Variants in GRIA4 observed in about 807,000 individuals in gnomAD.
The protein encoded by GRIA4 is glutamate ionotropic receptor AMPA type subunit 4.
GRIA4 carries 34 observed loss-of-function variants against 104.0 expected under a neutral mutation model. That is an observed-to-expected ratio of 0.33 (90% CI 0.25 to 0.44). GRIA4 has a LOEUF of 0.44. Among genes scored for constraint, GRIA4 ranks in the 20% least tolerant of loss-of-function variants. The pLI is 1.00. For synonymous variants in GRIA4, 386 were observed against 381.9 expected (o/e 1.01, Z -0.13); for missense variants, 750 against 1,096.5 (o/e 0.68, Z 4.46).
chr11:105,928,491 T>C (rs1275375076), intron 13 of GRIA4, among the ~76,000 whole-genome samples: 1 of 152,008 alleles, frequency 6.6e-6, no homozygotes, highest in Non-Finnish European at 1.5e-5. Flanking sequence ...ATTACTACTC[T>C]AATGTATTTC....
At chr11:105,709,119 T>G in intron 3 of GRIA4, among the ~76,000 whole-genome samples, 1 of 152,092 alleles carries the variant, frequency 6.6e-6, no homozygotes, top group East Asian at 1.9e-4. Context: ...AAGGAAATGC[T>G]TATGAAATGA....
At chr11:105,745,142 CAT>C (rs1491244539) in intron 3 of GRIA4, among the ~76,000 whole-genome samples, 1 of 152,076 alleles carries the variant, frequency 6.6e-6, no homozygotes, top group Non-Finnish European at 1.5e-5. Context: ...TAATAACTAA[CAT>C]TTTTTCCAAA....
At chr11:105,777,077 A>ATTTAT (rs1941482476) in intron 4 of GRIA4, among the ~76,000 whole-genome samples, 6 of 152,130 alleles carry the variant, frequency 3.9e-5, no homozygotes, top group Non-Finnish European at 7.4e-5. Flanking sequence ...ACACTCATGC[A>ATTTAT]CACACACGGA....
chr11:105,716,952 GA>G (rs1349925015), intron 3 of GRIA4, among the ~76,000 whole-genome samples: 1 of 151,912 alleles, frequency 6.6e-6, no homozygotes, highest in Non-Finnish European at 1.5e-5. Flanking sequence ...CATAAAAAAA[GA>G]AAAAAGGAGA....
At chr11:105,616,294 T>G (rs566782509) in intron 3 of GRIA4, among the ~76,000 whole-genome samples, 171 of 151,842 alleles carry the variant, frequency 1.1e-3, no homozygotes, top group Non-Finnish European at 2.2e-3. Context: ...AGAATCAATA[T>G]TATGCCCTAG....
intron 14 of GRIA4, among the ~76,000 whole-genome samples, chr11:105,957,909 G>C (rs1439644847): frequency 6.6e-6 from 1 of 152,108 alleles, no homozygotes; most frequent in Non-Finnish European, 1.5e-5. Flanking sequence ...TTGGCTCTCT[G>C]TTTGTCTGTT....
chr11:105,861,173 G>T (rs1193850069), intron 4 of GRIA4, among the ~76,000 whole-genome samples: 1 of 151,844 alleles, frequency 6.6e-6, no homozygotes, highest in Non-Finnish European at 1.5e-5. Flanking sequence ...TTCTCTCATG[G>T]CAGGCTGTCT....
chr11:105,753,035 G>C lies in GRIA4; in HGVS notation c.302G>C (p.Arg101Thr), dbSNP rs772806677. 1 of 1,613,300 alleles carries C rather than the reference G, an allele frequency of 6.2e-7. No homozygotes were observed. Among genetic ancestry groups the C allele is most frequent in the Non-Finnish European group, 8.5e-7 (1 of 1,179,396 alleles). ...GCCATTTTTGGACTCTATGATAAGA[G>C]GTCGGTACATACCTTGACCTCATTC... Reference protein sequence around the residue: ...VFAIFGLYDKRSVHTLTSFCS... With the variant: ...VFAIFGLYDKTSVHTLTSFCS... Residue 101 changes from arginine (R) to threonine (T), a missense_variant, in exon 4 of 17, where the codon AGG becomes ACG. Arg to Thr is a moderately conservative substitution (Grantham distance 71). Around this residue, in one of 3 missense-constraint regions of GRIA4, gnomAD observed 410 missense variants for 502.7 expected, o/e 0.82. Transcript: ENST00000282499.
At chr11:105,752,874 C>G in intron 3 of GRIA4, 107 bp from the exon 4 acceptor site, 1 of 993,242 alleles carries the variant, frequency 1.0e-6, no homozygotes, top group African/African-American at 1.6e-5. Context: ...CCTGACAGAT[C>G]CAATGATTCA....
chr11:105,880,879 A>C (rs1946027164), intron 5 of GRIA4, among the ~76,000 whole-genome samples: 1 of 152,184 alleles, frequency 6.6e-6, no homozygotes, highest in Admixed American at 6.5e-5. Flanking sequence ...ACAGAGATGA[A>C]AAGCTTGGGA....
At chr11:105,891,675 A>C (rs1265221418) in intron 6 of GRIA4, among the ~76,000 whole-genome samples, 1 of 152,064 alleles carries the variant, frequency 6.6e-6, no homozygotes, top group Admixed American at 6.6e-5. Flanking sequence ...CTAAATATCC[A>C]CTTTGATAGT....
chr11:105,892,054 T>A (rs1591405958), intron 6 of GRIA4, among the ~76,000 whole-genome samples: 1 of 152,170 alleles, frequency 6.6e-6, no homozygotes, highest in East Asian at 1.9e-4. Context: ...CAGATCTGAA[T>A]TCTCAAAGAA....
chr11:105,958,154 T>C (rs1948639180), intron 14 of GRIA4, among the ~76,000 whole-genome samples: 1 of 152,210 alleles, frequency 6.6e-6, no homozygotes, highest in African/African-American at 2.4e-5. Context: ...CTATGTTGAA[T>C]AGGAGTGGTG....
In GRIA4 at chr11:105,894,945, G is replaced by T. The variant is rs992231479; in HGVS notation, c.727-3324G>T. ...CTCCCGAGTAGCTGGGACTACAGGC[G>T]CCCGCCACCGCGCCCGGCTAATTTT... On this transcript the variant is annotated intron_variant, in intron 6 of 16. Coordinates refer to ENST00000282499, the MANE Select transcript of GRIA4 (RefSeq NM_000829.4). Among the ~76,000 whole-genome samples the T allele has an allele frequency of 2.9e-5, 4 of 138,094 alleles. 2 individuals are homozygous for T. Among genetic ancestry groups the T allele is most frequent in the Non-Finnish European group, 6.3e-5 (4 of 63,738 alleles). The allele number at this position is 138,094 out of a possible 152,430, so 90.6% of individuals were successfully genotyped here. A position where few individuals can be genotyped will look rare whatever the true frequency, so the allele number is the denominator to read the frequency against.
At chr11:105,927,885 G>A (rs1459737902) in intron 13 of GRIA4, among the ~76,000 whole-genome samples, 2 of 151,894 alleles carry the variant, frequency 1.3e-5, no homozygotes, top group Non-Finnish European at 2.9e-5. Context: ...TATGTCAATT[G>A]TTTAAACACT....
chr11:105,928,037 ATCT>A (rs1466897501), intron 13 of GRIA4, among the ~76,000 whole-genome samples: 1 of 152,004 alleles, frequency 6.6e-6, no homozygotes, highest in Admixed American at 6.6e-5. Context: ...TTTATTTATA[ATCT>A]TCTCACTCAA....
At position 105,960,267 on chromosome 11, in the gene GRIA4, C is replaced by T. The variant is rs150555545; in HGVS notation, c.2295-11647C>T. Among the ~76,000 whole-genome samples, 366 of 152,376 alleles carry T rather than the reference C, an allele frequency of 2.4e-3. 4 individuals are homozygous for T. The Middle Eastern group carries it at 0.051, about 21-fold the overall frequency. The stretch of plus-strand genomic sequence containing the variant: ...CTGCAGCCACCCCTGCCTCTAGGAG[C>T]TCAGGCCCAGGGAGATGCTAATTCT... On this transcript the variant is annotated intron_variant, in intron 14 of 16. Coordinates refer to ENST00000282499, the MANE Select transcript of GRIA4 (RefSeq NM_000829.4).
At chr11:105,825,573 T>C (rs1358209781) in intron 4 of GRIA4, among the ~76,000 whole-genome samples, 2 of 152,050 alleles carry the variant, frequency 1.3e-5, no homozygotes, top group Non-Finnish European at 2.9e-5. Context: ...ATGCCTCAGA[T>C]ATTCAGTTTC....
intron 4 of GRIA4, among the ~76,000 whole-genome samples, chr11:105,812,963 T>TA (rs1943235246): frequency 6.6e-6 from 1 of 151,712 alleles, no homozygotes; most frequent in Non-Finnish European, 1.5e-5. Flanking sequence ...TAGCTGGGCA[T>TA]AATGGTGGGC....
Sources: allele counts gnomAD v4.1 joint callset (sites outside exome capture counted in the v4.1 genomes callset), GRCh38; gene constraint gnomAD v4.1.1; regional missense constraint gnomAD v4.1.1; transcripts MANE v1.5; gene names NCBI Gene and HGNC (gene_info 2026-07-23, HGNC 2026-07-21).